Variants in ANKS1B observed in about 807,000 individuals in gnomAD.
ANKS1B encodes the protein ankyrin repeat and sterile alpha motif domain-containing protein 1B.
ANKS1B carries 36 observed loss-of-function variants against 148.3 expected under a neutral mutation model. The observed-to-expected ratio is 0.24, with a 90% CI of 0.19 to 0.32. The LOEUF is 0.32. Ranked by LOEUF, ANKS1B falls within the 10% of genes least tolerant of loss-of-function variation. The pLI is 1.00. For missense variants in ANKS1B, 1,157 were observed against 1,542.6 expected (o/e 0.75, Z 4.19); for synonymous variants, 542 against 560.8 (o/e 0.97, Z 0.47).
chr12:99,843,845 ATG>A, intron 1 of ANKS1B, among the ~76,000 whole-genome samples: 1 of 152,198 alleles, frequency 6.6e-6, no homozygotes, highest in South Asian at 2.1e-4. Flanking sequence ...GTCTTCCACA[ATG>A]TTGAACTAAT....
At chr12:99,398,851 G>A (rs574230081) in intron 12 of ANKS1B, among the ~76,000 whole-genome samples, 2 of 152,150 alleles carry the variant, frequency 1.3e-5, no homozygotes, top group African/African-American at 2.4e-5. Context: ...ACCTCTATCC[G>A]TCTGTTCTCT....
intron 1 of ANKS1B, among the ~76,000 whole-genome samples, chr12:99,848,726 T>C (rs1565854442): frequency 6.6e-6 from 1 of 151,670 alleles, no homozygotes; most frequent in Non-Finnish European, 1.5e-5. Flanking sequence ...AGCCTAAATA[T>C]TAAAGGGCAA....
chr12:99,292,298 C>A (rs938219974), intron 12 of ANKS1B, among the ~76,000 whole-genome samples: 1 of 151,216 alleles, frequency 6.6e-6, no homozygotes, highest in Non-Finnish European at 1.5e-5. Flanking sequence ...CGAGACTATT[C>A]TGGCTAACAC....
intron 9 of ANKS1B, among the ~76,000 whole-genome samples, chr12:99,565,560 A>T (rs2097381690): frequency 1.3e-5 from 2 of 152,316 alleles, no homozygotes; most frequent in African/African-American, 4.8e-5. Flanking sequence ...AAGGGCAGAG[A>T]ATAATCCTCC....
At chr12:99,791,326 G>C (rs2065627773) in intron 4 of ANKS1B, among the ~76,000 whole-genome samples, 2 of 151,936 alleles carry the variant, frequency 1.3e-5, no homozygotes, top group Admixed American at 6.6e-5. Flanking sequence ...TACAATAATA[G>C]CTGGAGACTT....
At chr12:98,795,047 AT>A in intron 22 of ANKS1B, 1 of 660,702 alleles carries the variant, frequency 1.5e-6, no homozygotes, top group Non-Finnish European at 2.7e-6. Context: ...TTATTAGCTT[AT>A]TTTTTACATA....
At chr12:98,815,641 G>C (rs1594566356) in intron 19 of ANKS1B, among the ~76,000 whole-genome samples, 1 of 152,108 alleles carries the variant, frequency 6.6e-6, no homozygotes, top group African/African-American at 2.4e-5. Context: ...TCACCTCCCT[G>C]TGAGCTTCCT....
chr12:99,487,268 A>G (rs2096502605), intron 10 of ANKS1B, among the ~76,000 whole-genome samples: 1 of 152,174 alleles, frequency 6.6e-6, no homozygotes, highest in Non-Finnish European at 1.5e-5. Flanking sequence ...TGAATTTCTT[A>G]TCAAATTTAC....
At chr12:99,459,992 C>T (rs1385980960) in intron 10 of ANKS1B, among the ~76,000 whole-genome samples, 4 of 152,068 alleles carry the variant, frequency 2.6e-5, no homozygotes, top group African/African-American at 9.7e-5. Context: ...CATTACATTA[C>T]TGAACTTCAA....
chr12:99,232,284 T>C (rs370270646), intron 14 of ANKS1B, among the ~76,000 whole-genome samples: 5 of 152,216 alleles, frequency 3.3e-5, no homozygotes, highest in African/African-American at 7.2e-5. Flanking sequence ...AATTTAACCT[T>C]AAGTATAAGA....
chr12:99,656,739 T>C (rs2098451420), intron 8 of ANKS1B, among the ~76,000 whole-genome samples: 2 of 147,926 alleles, frequency 1.4e-5, no homozygotes, highest in African/African-American at 4.9e-5. Flanking sequence ...GCTGAATACT[T>C]AGCAGACTCA....
At chr12:99,510,314 G>C (rs2096751947) in intron 9 of ANKS1B, among the ~76,000 whole-genome samples, 1 of 151,958 alleles carries the variant, frequency 6.6e-6, no homozygotes, top group South Asian at 2.1e-4. Context: ...TGATTCCTCT[G>C]ATGAAACTGA....
chr12:99,059,284 A>G (rs377569146), intron 16 of ANKS1B, among the ~76,000 whole-genome samples: 2 of 152,312 alleles, frequency 1.3e-5, no homozygotes, highest in African/African-American at 4.8e-5. Context: ...AAGTCCCTAA[A>G]TCGTCCAGCA....
At chr12:99,490,716 C>G (rs1347341287) in intron 10 of ANKS1B, among the ~76,000 whole-genome samples, 1 of 152,074 alleles carries the variant, frequency 6.6e-6, no homozygotes, top group Admixed American at 6.5e-5. Context: ...TTTAAACATA[C>G]AGTGTGACTG....
intron 12 of ANKS1B, among the ~76,000 whole-genome samples, chr12:99,394,410 T>A (rs1299179851): frequency 6.6e-6 from 1 of 152,122 alleles, no homozygotes; most frequent in African/African-American, 2.4e-5. Context: ...GTGAAGAAAT[T>A]CCTTCAAGGG....
At chr12:98,764,987 G>T (rs1400121841) in intron 25 of ANKS1B, among the ~76,000 whole-genome samples, 2 of 152,226 alleles carry the variant, frequency 1.3e-5, no homozygotes, top group Non-Finnish European at 2.9e-5. Context: ...TGCATTTTAT[G>T]TGGAATCTGA....
chr12:98,956,550 C>G (rs922887799), intron 17 of ANKS1B: 1 of 152,078 alleles, frequency 6.6e-6, no homozygotes, highest in Admixed American at 6.6e-5. Context: ...ATTATCCCCC[C>G]CATCCCCCCC....
chr12:99,772,731 G>T (rs967790284), intron 8 of ANKS1B, 191 bp downstream of exon 8: 3 of 455,896 alleles, frequency 6.6e-6, no homozygotes, highest in African/African-American at 6.1e-5. Flanking sequence ...GAAGTGATCT[G>T]TCAAAGCACT....
chr12:99,657,186 C>T (rs1385093108), intron 8 of ANKS1B, among the ~76,000 whole-genome samples: 1 of 152,114 alleles, frequency 6.6e-6, no homozygotes, highest in Non-Finnish European at 1.5e-5. Flanking sequence ...AATATTTTTC[C>T]TCTCACTTTA....
Sources: gnomAD v4.1 joint callset for allele counts (sites outside exome capture counted in the v4.1 genomes callset) on GRCh38, gnomAD v4.1.1 for gene constraint, MANE v1.5 for transcripts, NCBI Gene and HGNC (gene_info 2026-07-23, HGNC 2026-07-21) for gene names.